CARTPT: variants seen among roughly 807,000 people sequenced by gnomAD.
CARTPT encodes the protein cocaine- and amphetamine-regulated transcript protein.
In CARTPT, 6 loss-of-function variants were observed where a neutral mutation model predicts 12.2. The observed-to-expected ratio is 0.49, with a 90% confidence interval of 0.27 to 0.97. The LOEUF is 0.97. Among genes scored for constraint, CARTPT ranks in the 50% least tolerant of loss-of-function variants. The probability of loss-of-function intolerance (pLI) is 0.12; values close to 1 mark genes in which losing one functional copy is unlikely to be tolerated. For synonymous variants in CARTPT, 75 were observed against 64.1 expected (o/e 1.17, Z -0.82); for missense variants, 135 against 142.0 (o/e 0.95, Z 0.25).
intron 1 of CARTPT, 88 bp from the exon 2 acceptor site, chr5:71,719,792 G>C: frequency 1.6e-6 from 2 of 1,231,604 alleles, no homozygotes; most frequent in East Asian, 4.6e-5. Flanking sequence ...TGGGTCCGGG[G>C]CTCCTTATAA....
In CARTPT at chr5:71,720,614, G is replaced by A. The variant is rs1325775906; in HGVS notation, c.350G>A (p.Ter117=). Residue 117 remains the stop codon, a stop_retained_variant, in exon 3 of 3, where the codon TGA becomes TAA. Transcript: ENST00000296777. ...AATTCCTTCCTCCTGAAGTGCTTAT[G>A]AAGGGGCGTCCATTCTCCTCCATAC... ...SCNSFLLKCL[*] is the part of the protein sequence containing the mutation. 1.9e-6 allele frequency: 3 copies of A among 1,602,302 alleles called. No homozygotes were observed. The African/African-American group carries it at 4.0e-5, about 21-fold the overall frequency.
intron 1 of CARTPT, 82 bp downstream of exon 1, chr5:71,719,534 C>A: frequency 1.3e-6 from 2 of 1,523,700 alleles, no homozygotes; most frequent in South Asian, 2.3e-5. Context: ...CCCCCACCCC[C>A]ACTCCTATTC....
At chr5:71,720,366 T>A in intron 2 of CARTPT, 142 bp from the exon 3 acceptor site, 1 of 740,882 alleles carries the variant, frequency 1.3e-6, no homozygotes, top group Non-Finnish European at 2.4e-6. Flanking sequence ...CTGTTTCAGA[T>A]CTGACTGTAC....
rs758403679 is a variant in CARTPT at position 71,720,579 on chromosome 5, A to G, written c.315A>G (p.Gly105=). The part of the protein sequence containing the change: ...RIGKLCDCPR[G]TSCNSFLLKC... ...GGAAGCTGTGTGACTGTCCCCGAGG[A>G]ACCTCCTGCAATTCCTTCCTCCTGA... The change falls in exon 3 of 3, where the codon GGA becomes GGG. Residue 105 remains glycine, a synonymous_variant. Transcript: ENST00000296777. The G allele has an allele frequency of 1.2e-6, 2 of 1,612,120 alleles. No homozygotes were observed. The highest frequency in any genetic ancestry group is 1.1e-5 in the South Asian group (1 of 90,180).
At chr5:71,720,429 A>C (rs1190870813) in intron 2 of CARTPT, 79 bp from the exon 3 acceptor site, 8 of 1,268,812 alleles carry the variant, frequency 6.3e-6, no homozygotes, top group Middle Eastern at 2.6e-4. Context: ...AAGAGACAGA[A>C]ATTGCGTTGA....
At chr5:71,720,244 T>C (rs1292521526) in intron 2 of CARTPT, among the ~76,000 whole-genome samples, 1 of 152,028 alleles carries the variant, frequency 6.6e-6, no homozygotes, top group African/African-American at 2.4e-5. Context: ...ATGCTCCCCT[T>C]CCCACGCCCC....
chr5:71,719,468 G>T lies in CARTPT; in HGVS notation c.159+16G>T, dbSNP rs1457179397. The T allele has an allele frequency of 7.4e-6, 12 of 1,613,686 alleles. No homozygotes were observed. Among genetic ancestry groups the T allele is most frequent in the East Asian group, 2.2e-5 (1 of 44,880 alleles). On this transcript the variant is annotated intron_variant, in intron 1 of 2. Coordinates refer to ENST00000296777, the MANE Select transcript of CARTPT (RefSeq NM_004291.4). ...GAAGGAGCTGGTCGGTATTCCCCTC[G>T]CTCTCGACCCCCTTGAGCTGTCGCC...
chr5:71,719,563 G>A, intron 1 of CARTPT, 111 bp downstream of exon 1: 5 of 1,365,552 alleles, frequency 3.7e-6, no homozygotes, highest in Admixed American at 1.8e-5. Context: ...AGGGCGCGGG[G>A]AGCTGAGCGC....
At chr5:71,719,811 G>C in intron 1 of CARTPT, 69 bp from the exon 2 acceptor site, 1 of 1,439,882 alleles carries the variant, frequency 6.9e-7, no homozygotes, top group Non-Finnish European at 9.8e-7. Flanking sequence ...AACTAGGGCT[G>C]GAAGTGCGCA....
chr5:71,719,676 A>G lies in CARTPT; in HGVS notation c.160-204A>G, dbSNP rs2239670. 0.85 allele frequency: 634,519 copies of G among 743,230 alleles called. 271,698 individuals carry two copies. The highest frequency in any genetic ancestry group is 0.9 in the African/African-American group (51,704 of 57,760). 46.0% of individuals were successfully genotyped at this position (743,230 alleles called of 1,614,324 possible). A position where few individuals can be genotyped will look rare whatever the true frequency, so the allele number is the denominator to read the frequency against. On this transcript the variant is annotated intron_variant, in intron 1 of 2. Coordinates refer to ENST00000296777, the MANE Select transcript of CARTPT (RefSeq NM_004291.4). ...ATCCCGGCCCCTCTGAGCAACAGGG[A>G]CCCCAGCGGCTCAGAGACCCGCGGT...
Position 71,719,870 on chromosome 5 carries a change from T to C in CARTPT, c.160-10T>C, listed in dbSNP as rs1261666721. ...GCGGCAACTTCAGGCTCCGAAGCGGTGTGTTGCAGATCGAAGCGCTGCAAG... is the reference window on the plus strand; with the variant it reads ...GCGGCAACTTCAGGCTCCGAAGCGGCGTGTTGCAGATCGAAGCGCTGCAAG... On this transcript the variant is annotated splice_polypyrimidine_tract_variant and intron_variant, in intron 1 of 2. Transcript: ENST00000296777. 6.2e-7 allele frequency: 1 copy of C among 1,613,766 alleles called. No individual in the cohort carries two copies. Among genetic ancestry groups the C allele is most frequent in the South Asian group, 1.1e-5 (1 of 91,064 alleles).
chr5:71,720,060 A>G lies in CARTPT; in HGVS notation c.243+97A>G, dbSNP rs1009968208. On this transcript the variant is annotated intron_variant, in intron 2 of 2. Coordinates refer to ENST00000296777, the MANE Select transcript of CARTPT (RefSeq NM_004291.4). The stretch of plus-strand genomic sequence containing the variant: ...TCTTCTCCGTAGGATGTGGCTAAAT[A>G]ACTTAGGTAATGGGCTTGCAGGATT... The G allele has an allele frequency of 2.8e-6, 3 of 1,087,668 alleles. No individual in the cohort carries two copies. The African/African-American group carries it at 4.6e-5, about 17-fold the overall frequency. The allele number at this position is 1,087,668 out of a possible 1,614,324, so 67.4% of individuals were successfully genotyped here.
rs745460642 is a variant in CARTPT at position 71,720,618 on chromosome 5, G to T, written c.*3G>T. The T allele has an allele frequency of 6.3e-7, 1 of 1,598,874 alleles. No individual in the cohort carries two copies. The highest frequency in any genetic ancestry group is 1.1e-5 in the South Asian group (1 of 88,230). Reference sequence around the variant, plus strand: ...CCTTCCTCCTGAAGTGCTTATGAAGGGGCGTCCATTCTCCTCCATACATCC... The same window carrying T: ...CCTTCCTCCTGAAGTGCTTATGAAGTGGCGTCCATTCTCCTCCATACATCC... On this transcript the variant is annotated 3_prime_UTR_variant, in exon 3 of 3. Coordinates refer to ENST00000296777, the MANE Select transcript of CARTPT (RefSeq NM_004291.4).
Position 71,719,437 on chromosome 5 carries a change from C to G in CARTPT, c.144C>G (p.Ser48=). 6.2e-7 allele frequency: 1 copy of G among 1,614,124 alleles called. No individual in the cohort carries two copies. The highest frequency in any genetic ancestry group is 1.1e-5 in the South Asian group (1 of 91,078). Residue 48 remains serine, a synonymous_variant, in exon 1 of 3, where the codon TCC becomes TCG. Coordinates refer to ENST00000296777, the MANE Select transcript of CARTPT (RefSeq NM_004291.4). ...LDIYSAVDDA[S]HEKELIEALQ... is the part of the protein sequence containing the mutation. Reference sequence around the variant, plus strand: ...TCTACTCTGCCGTGGATGATGCCTCCCACGAGAAGGAGCTGGTCGGTATTC... The same window carrying G: ...TCTACTCTGCCGTGGATGATGCCTCGCACGAGAAGGAGCTGGTCGGTATTC...
Position 71,720,851 on chromosome 5 carries a change from A to G in CARTPT, c.*236A>G, listed in dbSNP as rs1748694855. The G allele has an allele frequency of 7.8e-6, 4 of 515,770 alleles. No individual in the cohort carries two copies. Among genetic ancestry groups the G allele is most frequent in the Non-Finnish European group, 7.0e-6 (2 of 285,240 alleles). 31.9% of individuals were successfully genotyped at this position (515,770 alleles called of 1,614,324 possible). On this transcript the variant is annotated 3_prime_UTR_variant, in exon 3 of 3. Transcript: ENST00000296777. ...GAAGTATTCTTATTTTATTTGTCTG[A>G]CAAACTCTTGTGTACCTTTGTGTAA...
At chr5:71,720,188 AT>A (rs895691628) in intron 2 of CARTPT, among the ~76,000 whole-genome samples, 36 of 151,906 alleles carry the variant, frequency 2.4e-4, no homozygotes, top group Middle Eastern at 6.8e-3. Context: ...AAAAGGTCTG[AT>A]TTTTTTCCCC....
chr5:71,719,538 C>T lies in CARTPT; in HGVS notation c.159+86C>T. 4 of 1,516,896 alleles carry T rather than the reference C, an allele frequency of 2.6e-6. No homozygotes were observed. In the South Asian group the frequency reaches 4.5e-5, roughly 17 times the overall value. The allele number at this position is 1,516,896 out of a possible 1,614,324, so 94.0% of individuals were successfully genotyped here. On this transcript the variant is annotated intron_variant, in intron 1 of 2. Transcript: ENST00000296777. ...CCTCCCTCCTCCCCCCACCCCCACTCCTATTCCCAGAGTCAGGGCGCGGGG... is the reference window on the plus strand; with the variant it reads ...CCTCCCTCCTCCCCCCACCCCCACTTCTATTCCCAGAGTCAGGGCGCGGGG...
chr5:71,720,441 T>C, intron 2 of CARTPT, 67 bp from the exon 3 acceptor site: 1 of 1,410,438 alleles, frequency 7.1e-7, no homozygotes, highest in Non-Finnish European at 9.8e-7. Context: ...TTGCGTTGAC[T>C]GTGAGACTTG....
chr5:71,719,620 G>C, intron 1 of CARTPT, 168 bp downstream of exon 1: 1 of 862,524 alleles, frequency 1.2e-6, no homozygotes. Flanking sequence ...CGAGCTCACG[G>C]GCTCCTGGCA....
Sources: allele counts gnomAD v4.1 joint callset (sites outside exome capture counted in the v4.1 genomes callset), GRCh38; gene constraint gnomAD v4.1.1; transcripts MANE v1.5; gene names NCBI Gene and HGNC (gene_info 2026-07-23, HGNC 2026-07-21).